LRMDA: variants seen among roughly 807,000 people sequenced by gnomAD.
LRMDA encodes the protein leucine-rich melanocyte differentiation-associated protein.
A neutral mutation model predicts 29.8 loss-of-function variants in LRMDA; 18 were observed. That is an observed-to-expected ratio of 0.60 (90% CI 0.42 to 0.90). The LOEUF (loss-of-function observed/expected upper bound fraction) is 0.90. Ranked by LOEUF, LRMDA falls within the 40% of genes least tolerant of loss-of-function variation. LRMDA has a pLI of 0.00. For synonymous variants in LRMDA, 125 were observed against 109.4 expected, an observed-to-expected ratio of 1.14 and a Z score of -0.89; for missense variants, 273 against 273.9, an observed-to-expected ratio of 1.00 and a Z score of 0.02.
intron 5 of LRMDA, among the ~76,000 whole-genome samples, chr10:76,147,158 G>T (rs867321415): frequency 6.6e-6 from 1 of 152,138 alleles, no homozygotes; most frequent in East Asian, 1.9e-4. Flanking sequence ...TGACAATTAT[G>T]TGTCTTGGAG....
intron 6 of LRMDA, among the ~76,000 whole-genome samples, chr10:76,512,269 G>A (rs558071087): frequency 2.0e-5 from 3 of 152,208 alleles, no homozygotes; most frequent in South Asian, 2.1e-4. Flanking sequence ...TCCCAGTATC[G>A]GGTATGTCTT....
intron 5 of LRMDA, among the ~76,000 whole-genome samples, chr10:76,117,603 C>A (rs1166593881): frequency 6.6e-6 from 1 of 152,194 alleles, no homozygotes; most frequent in East Asian, 1.9e-4. Flanking sequence ...TGACCTAGTG[C>A]TCCAAAAACA....
intron 5 of LRMDA, among the ~76,000 whole-genome samples, chr10:76,095,556 G>A (rs529707156): frequency 1.3e-5 from 2 of 152,354 alleles, no homozygotes; most frequent in Non-Finnish European, 2.9e-5. Flanking sequence ...AACTGTGTAA[G>A]AAATTGCCAG....
At chr10:76,357,490 T>C (rs1345112296) in intron 6 of LRMDA, among the ~76,000 whole-genome samples, 2 of 152,194 alleles carry the variant, frequency 1.3e-5, no homozygotes, top group Non-Finnish European at 2.9e-5. Flanking sequence ...GACTAGTCCC[T>C]GGATGGGGGA....
chr10:76,108,432 T>G (rs990743999), intron 5 of LRMDA, among the ~76,000 whole-genome samples: 2 of 152,148 alleles, frequency 1.3e-5, no homozygotes, highest in African/African-American at 4.8e-5. Context: ...GAAAGCTACC[T>G]GGGACATAAT....
intron 2 of LRMDA, among the ~76,000 whole-genome samples, chr10:75,882,448 ACAGCAGCTATAGAGCACCTAAAATTTTC>A (rs1354876474): frequency 1.3e-5 from 2 of 152,188 alleles, no homozygotes; most frequent in Admixed American, 1.3e-4. Context: ...AGAAATGAGG[ACAGCAGCTATAGAGCACCTAAAATTTTC>A]TACAGGTATC....
At chr10:75,548,045 C>T (rs1020802079) in intron 2 of LRMDA, among the ~76,000 whole-genome samples, 7 of 151,540 alleles carry the variant, frequency 4.6e-5, no homozygotes, top group Non-Finnish European at 7.4e-5. Flanking sequence ...CAGCATTAAT[C>T]ATTCTGTATC....
At chr10:75,784,460 G>A (rs1843437138) in intron 2 of LRMDA, among the ~76,000 whole-genome samples, 1 of 152,276 alleles carries the variant, frequency 6.6e-6, no homozygotes, top group African/African-American at 2.4e-5. Flanking sequence ...AGCACTTTGG[G>A]AGGCTGAGGC....
intron 2 of LRMDA, among the ~76,000 whole-genome samples, chr10:75,913,963 G>A (rs1280632640): frequency 6.6e-6 from 1 of 152,206 alleles, no homozygotes; most frequent in Non-Finnish European, 1.5e-5. Flanking sequence ...TCTGCCTGCT[G>A]CAGCATCACC....
intron 6 of LRMDA, among the ~76,000 whole-genome samples, chr10:76,330,666 C>A (rs139942777): frequency 1.3e-5 from 2 of 152,278 alleles, no homozygotes; most frequent in African/African-American, 2.4e-5. Flanking sequence ...GCTTCTGAGG[C>A]CCTTCCAGTG....
intron 5 of LRMDA, among the ~76,000 whole-genome samples, chr10:76,101,843 T>C (rs1020227499): frequency 2.0e-5 from 3 of 152,210 alleles, no homozygotes; most frequent in African/African-American, 7.2e-5. Context: ...TTCTATCTAG[T>C]TCTAAACATT....
intron 2 of LRMDA, among the ~76,000 whole-genome samples, chr10:75,578,900 G>A (rs1184193735): frequency 1.3e-5 from 2 of 151,658 alleles, no homozygotes; most frequent in Admixed American, 6.6e-5. Flanking sequence ...AGAATCTCTG[G>A]GACACATTTA....
intron 5 of LRMDA, among the ~76,000 whole-genome samples, chr10:76,177,266 C>A (rs1451257159): frequency 6.6e-6 from 1 of 152,192 alleles, no homozygotes; most frequent in African/African-American, 2.4e-5. Context: ...TCAAATCCCA[C>A]AAAATGGCTT....
intron 6 of LRMDA, among the ~76,000 whole-genome samples, chr10:76,555,397 C>G (rs1219848818): frequency 1.3e-5 from 2 of 152,130 alleles, no homozygotes; most frequent in Non-Finnish European, 2.9e-5. Flanking sequence ...AAGGAGAAAG[C>G]ATGACCAAGG....
chr10:75,881,314 C>T (rs1845289319), intron 2 of LRMDA, among the ~76,000 whole-genome samples: 1 of 152,136 alleles, frequency 6.6e-6, no homozygotes, highest in Non-Finnish European at 1.5e-5. Flanking sequence ...AAATCACTCA[C>T]ATAAACAGAT....
chr10:75,861,353 T>C (rs1321401932), intron 2 of LRMDA, among the ~76,000 whole-genome samples: 1 of 152,106 alleles, frequency 6.6e-6, no homozygotes, highest in East Asian at 1.9e-4. Context: ...AAAAAAGGTG[T>C]AAAGTTGGTC....
chr10:75,836,058 G>A (rs938462414), intron 2 of LRMDA, among the ~76,000 whole-genome samples: 1 of 152,192 alleles, frequency 6.6e-6, no homozygotes, highest in African/African-American at 2.4e-5. Context: ...CACTCTCTTA[G>A]TGTAGGGGTT....
intron 2 of LRMDA, among the ~76,000 whole-genome samples, chr10:75,748,895 A>G (rs1332293513): frequency 6.6e-6 from 1 of 152,220 alleles, no homozygotes; most frequent in African/African-American, 2.4e-5. Flanking sequence ...TATCTGATAT[A>G]TACATTTATA....
intron 5 of LRMDA, among the ~76,000 whole-genome samples, chr10:76,202,836 G>C (rs1199711319): frequency 6.6e-6 from 1 of 152,028 alleles, no homozygotes; most frequent in Non-Finnish European, 1.5e-5. Flanking sequence ...TGAGACACAT[G>C]TGACTTCTTT....
Sources: allele counts gnomAD v4.1 joint callset (sites outside exome capture counted in the v4.1 genomes callset), GRCh38; gene constraint gnomAD v4.1.1; transcripts MANE v1.5; gene names NCBI Gene and HGNC (gene_info 2026-07-23, HGNC 2026-07-21).